CACNA1B: variants seen among roughly 807,000 people sequenced by gnomAD.
CACNA1B encodes calcium voltage-gated channel subunit alpha1 B.
In CACNA1B, 70 loss-of-function variants were observed where a neutral mutation model predicts 247.2. That is an observed-to-expected ratio of 0.28 (90% CI 0.23 to 0.35). The LOEUF (loss-of-function observed/expected upper bound fraction) is 0.35, where lower values mean the gene tolerates loss of function less well. Ranked by LOEUF, CACNA1B falls within the 10% of genes least tolerant of loss-of-function variation. The probability of loss-of-function intolerance (pLI) is 1.00; values close to 1 mark genes in which losing one functional copy is unlikely to be tolerated. For synonymous variants in CACNA1B, 1,231 were observed against 1,294.4 expected (o/e 0.95, Z 1.05); for missense variants, 2,367 against 3,197.4 (o/e 0.74, Z 6.26).
chr9:138,090,640 A>G (rs1458629356), intron 36 of CACNA1B, among the ~76,000 whole-genome samples: 4 of 147,784 alleles, frequency 2.7e-5, no homozygotes, highest in African/African-American at 1.0e-4. Context: ...AAATATTGCA[A>G]ACTATTTATC....
rs538254798 is a variant in CACNA1B, at chr9:138,121,643, G to C, written c.6664G>C (p.Ala2222Pro). Residue 2222 changes from alanine (A) to proline (P), a missense_variant, in exon 47 of 47, where the codon GCC becomes CCC. By Grantham distance (27) the Ala-to-Pro change is conservative (BLOSUM62 -1). Coordinates refer to ENST00000371372, the MANE Select transcript of CACNA1B (RefSeq NM_000718.4). This position sits in a 1 kb window ranked among gnomAD's most constrained non-coding sequence, Gnocchi z 6.8. Reference sequence around the variant, plus strand: ...CGCCGGGGCTCAGACCAGCCTCCCTGCCTTCTCCCCAGGCCGGCTCAGCCG... The same window carrying C: ...CGCCGGGGCTCAGACCAGCCTCCCTCCCTTCTCCCCAGGCCGGCTCAGCCG... ...HFAGAQTSLPAFSPGRLSRGL... is the reference protein window; with the variant it reads ...HFAGAQTSLPPFSPGRLSRGL... 1 of 1,612,874 alleles carries C rather than the reference G, an allele frequency of 6.2e-7. No individual in the cohort carries two copies. Among genetic ancestry groups the C allele is most frequent in the Non-Finnish European group, 8.5e-7 (1 of 1,179,320 alleles).
intron 15 of CACNA1B, among the ~76,000 whole-genome samples, chr9:138,000,179 A>G (rs921239554): frequency 2.0e-5 from 3 of 151,404 alleles, no homozygotes; most frequent in Admixed American, 6.6e-5. Context: ...GCTCACTGCA[A>G]GCTCCGCCTC....
At chr9:138,005,132 A>G (rs1183698165) in intron 15 of CACNA1B, among the ~76,000 whole-genome samples, 1 of 152,244 alleles carries the variant, frequency 6.6e-6, no homozygotes, top group East Asian at 1.9e-4. Context: ...ATCCAAAGGA[A>G]AGGAAGTTGG....
chr9:138,090,409 T>C (rs1960836396), intron 36 of CACNA1B, among the ~76,000 whole-genome samples: 1 of 151,932 alleles, frequency 6.6e-6, no homozygotes, highest in Non-Finnish European at 1.5e-5. Context: ...CAACTCAAAA[T>C]GGATCAAAGA....
Position 137,974,846 on chromosome 9 carries a change from G to A in CACNA1B, c.1544-1061G>A, listed in dbSNP as rs998946136. Among the ~76,000 whole-genome samples the A allele has an allele frequency of 1.3e-5, 2 of 152,242 alleles. No individual in the cohort carries two copies. The highest frequency in any genetic ancestry group is 2.4e-5 in the African/African-American group (1 of 41,462). On this transcript the variant is annotated intron_variant, in intron 11 of 46. Transcript: ENST00000371372. This position sits in a 1 kb window ranked among gnomAD's most constrained non-coding sequence, Gnocchi z 4.5. The stretch of plus-strand genomic sequence containing the variant: ...TTGTTCTCCATGTGGGCTCTGCCCT[G>A]GGCTCTGTTGCCTCCCTAGCCCCTG...
rs144059359 is a variant in CACNA1B, at chr9:138,092,081, G to A, written c.5095-4403G>A. Among the ~76,000 whole-genome samples the A allele has an allele frequency of 1.8e-3, 271 of 152,294 alleles. 3 individuals carry two copies. Among genetic ancestry groups the A allele is most frequent in the African/African-American group, 6.2e-3 (259 of 41,558 alleles). On this transcript the variant is annotated intron_variant, in intron 36 of 46. Transcript: ENST00000371372. ...AATAAAAGATCACAAGGGCAGAGAG[G>A]CAGAGCAAGATCACAAGGCCAGGGT...
Position 137,880,859 on chromosome 9 carries a change from C to T in CACNA1B, c.390+1700C>T, listed in dbSNP as rs1162695051. Among the ~76,000 whole-genome samples the T allele has an allele frequency of 2.6e-5, 4 of 152,126 alleles. No homozygotes were observed. The highest frequency in any genetic ancestry group is 7.2e-5 in the African/African-American group (3 of 41,424). ...AGTTGTCTCCCAGCCTGGCCCTGGG[C>T]GAGGCCTCCCTGGTTCCCTGCCTCT... On this transcript the variant is annotated intron_variant, in intron 2 of 46. Coordinates refer to ENST00000371372, the MANE Select transcript of CACNA1B (RefSeq NM_000718.4). The surrounding 1 kb of genome is among the most constrained non-coding windows in gnomAD (Gnocchi z 4.8).
rs777612368 is a variant in CACNA1B at position 137,882,713 on chromosome 9, AG to A, written c.391-27del. 5.0e-6 allele frequency: 8 copies of A among 1,613,622 alleles called. No individual in the cohort carries two copies. Among genetic ancestry groups the A allele is most frequent in the Middle Eastern group, 1.7e-4 (1 of 6,054 alleles). ...CCCGCTACTACACCGGGTAGGGGCC[AG>A]GGGTGACCACTGTTCTGCGCTTCTC... is the stretch of plus-strand genomic sequence containing the variant. On this transcript the variant is annotated intron_variant, in intron 2 of 46. Transcript: ENST00000371372. The surrounding 1 kb of genome is among the most constrained non-coding windows in gnomAD (Gnocchi z 4.0).
intron 20 of CACNA1B, among the ~76,000 whole-genome samples, chr9:138,031,133 A>C (rs749066376): frequency 2.0e-5 from 3 of 151,836 alleles, no homozygotes; most frequent in Non-Finnish European, 4.4e-5. Context: ...GTAGGAGCTT[A>C]GATTGTTGAT....
intron 42 of CACNA1B, among the ~76,000 whole-genome samples, chr9:138,116,128 A>G (rs1311107361): frequency 6.6e-6 from 1 of 152,162 alleles, no homozygotes; most frequent in Non-Finnish European, 1.5e-5. Context: ...CCTGCTCCTC[A>G]TCGGCCCTCC....
chr9:137,986,431 G>A lies in CACNA1B; in HGVS notation c.1788G>A (p.Arg596=). ...CCCGCAGGTACTGGAGCTCCCTGCG[G>A]AACCTGGTGGTGTCCCTGCTGAACT... ...FKVTKYWSSL[R]NLVVSLLNSM... Residue 596 remains arginine, a synonymous_variant, in exon 14 of 47, where the codon CGG becomes CGA. Transcript: ENST00000371372. The surrounding 1 kb of genome is among the most constrained non-coding windows in gnomAD (Gnocchi z 6.0). The A allele has an allele frequency of 1.2e-6, 2 of 1,613,902 alleles. No homozygotes were observed. The highest frequency in any genetic ancestry group is 1.7e-6 in the Non-Finnish European group (2 of 1,179,832).
chr9:137,931,758 A>G (rs901119479), intron 6 of CACNA1B, among the ~76,000 whole-genome samples: 1 of 152,140 alleles, frequency 6.6e-6, no homozygotes, highest in African/African-American at 2.4e-5. Flanking sequence ...AACTGGCTGG[A>G]AACCTTGTCT....
rs1020030165 is a variant in CACNA1B at position 137,955,147 on chromosome 9, G to C, written c.1071-551G>C. Among the ~76,000 whole-genome samples the C allele has an allele frequency of 1.3e-5, 2 of 152,098 alleles. No homozygotes were observed. The highest frequency in any genetic ancestry group is 4.8e-5 in the African/African-American group (2 of 41,416). ...GTTGAGGAGGCTACGTGGACTCTGCGGTATTACCCTTCTGCCTCTGGCCTG... is the reference window on the plus strand; with the variant it reads ...GTTGAGGAGGCTACGTGGACTCTGCCGTATTACCCTTCTGCCTCTGGCCTG... On this transcript the variant is annotated intron_variant, in intron 7 of 46. Coordinates refer to ENST00000371372, the MANE Select transcript of CACNA1B (RefSeq NM_000718.4). The surrounding 1 kb of genome is among the most constrained non-coding windows in gnomAD (Gnocchi z 6.9).
Position 138,052,138 on chromosome 9 carries a change from C to T in CACNA1B, c.3757C>T (p.Leu1253Phe). 3 of 1,612,702 alleles carry T rather than the reference C, an allele frequency of 1.9e-6. No individual in the cohort carries two copies. The highest frequency in any genetic ancestry group is 2.5e-6 in the Non-Finnish European group (3 of 1,179,102). Residue 1253 changes from leucine (L) to phenylalanine (F), a missense_variant, in exon 25 of 47, where the codon CTT becomes TTT. Physicochemically the swap from Leu to Phe is conservative, Grantham distance 22. Around this residue, in one of 12 missense-constraint regions of CACNA1B, gnomAD observed 436 missense variants for 679.5 expected, o/e 0.64. Transcript: ENST00000371372. The surrounding 1 kb of genome is among the most constrained non-coding windows in gnomAD (Gnocchi z 5.1). ...DINTIKSLRV[L>F]RVLRPLKTIK... Reference sequence around the variant, plus strand: ...CAATACCATCAAGTCTCTGAGAGTCCTTCGTGTCCTGCGGCCCCTCAAGAC... The same window carrying T: ...CAATACCATCAAGTCTCTGAGAGTCTTTCGTGTCCTGCGGCCCCTCAAGAC...
chr9:138,099,353 A>T (rs1297630643), intron 37 of CACNA1B, among the ~76,000 whole-genome samples: 1 of 151,844 alleles, frequency 6.6e-6, no homozygotes, highest in African/African-American at 2.4e-5. Context: ...GCCTGTGTGT[A>T]TATGTGTGCA....
chr9:138,050,195 C>T lies in CACNA1B; in HGVS notation c.3710+880C>T, dbSNP rs1317404044. Reference sequence around the variant, plus strand: ...ACCCCCCGCCCATCCACTTTCACCCCATCGGGGCTGCATGCTGCCGGGAGC... The same window carrying T: ...ACCCCCCGCCCATCCACTTTCACCCTATCGGGGCTGCATGCTGCCGGGAGC... On this transcript the variant is annotated intron_variant, in intron 24 of 46. Coordinates refer to ENST00000371372, the MANE Select transcript of CACNA1B (RefSeq NM_000718.4). This position sits in a 1 kb window ranked among gnomAD's most constrained non-coding sequence, Gnocchi z 5.2. 7.3e-6 allele frequency: 6 copies of T among 825,274 alleles called. No homozygotes were observed. The highest frequency in any genetic ancestry group is 1.1e-5 in the Non-Finnish European group (6 of 566,850). The allele number at this position is 825,274 out of a possible 1,614,324, so 51.1% of individuals were successfully genotyped here. A position where few individuals can be genotyped will look rare whatever the true frequency, so the allele number is the denominator to read the frequency against.
chr9:137,915,648 C>T (rs1388154690), intron 5 of CACNA1B, among the ~76,000 whole-genome samples: 1 of 151,916 alleles, frequency 6.6e-6, no homozygotes, highest in Admixed American at 6.6e-5. Context: ...AACCTTTAAT[C>T]CAACTGTAAA....
At chr9:137,903,227 C>CA (rs887348841) in intron 3 of CACNA1B, among the ~76,000 whole-genome samples, 45 of 151,298 alleles carry the variant, frequency 3.0e-4, no homozygotes, top group South Asian at 2.1e-3. Context: ...ACTAAAAATA[C>CA]AAAAAAAAAT....
intron 11 of CACNA1B, among the ~76,000 whole-genome samples, chr9:137,975,161 A>G (rs1208094507): frequency 1.3e-5 from 2 of 152,092 alleles, no homozygotes; most frequent in Non-Finnish European, 2.9e-5. Flanking sequence ...TAGCCCCAGC[A>G]TGGCCTCCCT....
Sources: allele counts gnomAD v4.1 joint callset (sites outside exome capture counted in the v4.1 genomes callset), GRCh38; gene constraint gnomAD v4.1.1; regional missense constraint gnomAD v4.1.1; non-coding constraint Gnocchi (gnomAD v3.1); transcripts MANE v1.5; gene names NCBI Gene and HGNC (gene_info 2026-07-23, HGNC 2026-07-21).